The following CCDC171 variants were observed in gnomAD, a reference collection of about 807,000 sequenced individuals.
The protein encoded by CCDC171 is coiled-coil domain containing 171.
CCDC171 carries 177 observed loss-of-function variants against 168.2 expected under a neutral mutation model. The observed-to-expected ratio is 1.05, with a 90% CI of 0.93 to 1.19. The LOEUF is 1.19. Ranked by LOEUF, CCDC171 falls within the 50% of genes most tolerant of loss-of-function variation. The pLI is 0.00. For missense variants in CCDC171, 1,991 were observed against 1,539.0 expected, an observed-to-expected ratio of 1.29 and a Z score of -4.91; for synonymous variants, 687 against 540.8, an observed-to-expected ratio of 1.27 and a Z score of -3.75.
chr9:16,096,112 C>A, the CCDC171 span, among the ~76,000 whole-genome samples: 1 of 151,722 alleles, frequency 6.6e-6, no homozygotes, highest in African/African-American at 2.4e-5. Flanking sequence ...CAAATATCAG[C>A]GTGGAATTTA....
chr9:16,019,034 C>A (rs1244292629), intron 3 of CCDC171, among the ~76,000 whole-genome samples: 2 of 152,196 alleles, frequency 1.3e-5, no homozygotes, highest in Non-Finnish European at 2.9e-5. Flanking sequence ...GTAGTGGATT[C>A]ATTTAAGAAA....
intron 25 of CCDC171, 136 bp downstream of exon 25, chr9:15,920,558 T>A: frequency 1.6e-6 from 1 of 635,310 alleles, no homozygotes; most frequent in Non-Finnish European, 2.5e-6. Flanking sequence ...GACATAAAAT[T>A]ATTTGTGTGG....
At chr9:15,965,734 T>A (rs1830729098) in intron 25 of CCDC171, among the ~76,000 whole-genome samples, 1 of 152,200 alleles carries the variant, frequency 6.6e-6, no homozygotes. Flanking sequence ...TTCCATTTAA[T>A]CCTCCTAACA....
At chr9:15,589,854 A>T (rs114693583) in intron 4 of CCDC171, among the ~76,000 whole-genome samples, 1 of 152,300 alleles carries the variant, frequency 6.6e-6, no homozygotes, top group African/African-American at 2.4e-5. Flanking sequence ...AAATTTGAGG[A>T]CCAATTTGAA....
chr9:15,839,876 G>C (rs1306600711), intron 21 of CCDC171, among the ~76,000 whole-genome samples: 1 of 152,092 alleles, frequency 6.6e-6, no homozygotes, highest in Non-Finnish European at 1.5e-5. Context: ...AAATCATCCA[G>C]TGAAGAAACT....
chr9:15,734,980 GC>G (rs1219604947), intron 16 of CCDC171, among the ~76,000 whole-genome samples: 2 of 152,018 alleles, frequency 1.3e-5, no homozygotes, highest in African/African-American at 2.4e-5. Context: ...TTGTAAAGAA[GC>G]AATTAGTAAA....
At chr9:15,596,045 C>A (rs928582507) in intron 6 of CCDC171, among the ~76,000 whole-genome samples, 13 of 152,142 alleles carry the variant, frequency 8.5e-5, no homozygotes, top group Middle Eastern at 3.4e-3. Context: ...TGGATATTAG[C>A]CCTTTGTCAG....
At chr9:15,799,158 A>G (rs190863420) in intron 21 of CCDC171, among the ~76,000 whole-genome samples, 2 of 143,944 alleles carry the variant, frequency 1.4e-5, no homozygotes, top group African/African-American at 5.2e-5. Flanking sequence ...ATATATATAT[A>G]TATATATACC....
rs775922602 is a variant in CCDC171 at position 15,784,548 on chromosome 9, G to T, written c.3121G>T (p.Glu1041Ter). 2 of 1,613,212 alleles carry T rather than the reference G, an allele frequency of 1.2e-6. No individual in the cohort carries two copies. The highest frequency in any genetic ancestry group is 1.7e-6 in the Non-Finnish European group (2 of 1,179,508). ...TGAGAAGTTTGAAAGTGCATGTGAA[G>T]AACTAAATAATGCATTACTTCGGGA... is the stretch of plus-strand genomic sequence containing the variant. ...THEKFESACEELNNALLREEQ... is the reference protein window; with the variant it reads ...THEKFESACE The change falls in exon 21 of 26, where the codon GAA becomes TAA. Residue 1041 changes from glutamate (E) to a stop codon, truncating the protein, a stop_gained. Coordinates refer to ENST00000380701, the MANE Select transcript of CCDC171 (RefSeq NM_173550.4). LOFTEE classifies it high-confidence loss of function.
At chr9:15,735,319 C>T (rs941073166) in intron 16 of CCDC171, among the ~76,000 whole-genome samples, 1 of 152,170 alleles carries the variant, frequency 6.6e-6, no homozygotes, top group East Asian at 1.9e-4. Context: ...GGCCCAGTGC[C>T]ACATACCATT....
At chr9:15,801,951 C>T (rs1036543945) in intron 21 of CCDC171, among the ~76,000 whole-genome samples, 1 of 152,074 alleles carries the variant, frequency 6.6e-6, no homozygotes, top group Non-Finnish European at 1.5e-5. Flanking sequence ...ACCATCCTTG[C>T]ATCCCTGGGA....
intron 21 of CCDC171, among the ~76,000 whole-genome samples, chr9:15,836,171 T>C (rs1326573579): frequency 3.3e-5 from 5 of 152,118 alleles, no homozygotes; most frequent in African/African-American, 4.8e-5. Flanking sequence ...TGGGTTAAGA[T>C]ACCCTCTCCT....
intron 25 of CCDC171, among the ~76,000 whole-genome samples, chr9:15,936,513 G>C (rs1416249526): frequency 2.0e-5 from 3 of 151,974 alleles, no homozygotes; most frequent in Non-Finnish European, 4.4e-5. Context: ...TGAGAGTTGA[G>C]GGGACTCAGC....
At chr9:15,954,283 T>G (rs1338697443) in intron 25 of CCDC171, among the ~76,000 whole-genome samples, 2 of 152,042 alleles carry the variant, frequency 1.3e-5, no homozygotes, top group Non-Finnish European at 2.9e-5. Flanking sequence ...CGATTTGAGA[T>G]CTTTCTTGTT....
At chr9:15,709,300 T>C (rs2052478151) in intron 11 of CCDC171, among the ~76,000 whole-genome samples, 1 of 152,188 alleles carries the variant, frequency 6.6e-6, no homozygotes, top group Admixed American at 6.5e-5. Flanking sequence ...TAGATTAAAA[T>C]TGTGAGTAGC....
chr9:15,717,661 G>A (rs2053179614), intron 11 of CCDC171, among the ~76,000 whole-genome samples: 1 of 152,216 alleles, frequency 6.6e-6, no homozygotes, highest in Admixed American at 6.5e-5. Context: ...GAAGGATAGA[G>A]TACAAGGCAG....
At chr9:15,815,268 T>A (rs909806555) in intron 21 of CCDC171, among the ~76,000 whole-genome samples, 1 of 152,172 alleles carries the variant, frequency 6.6e-6, no homozygotes, top group African/African-American at 2.4e-5. Flanking sequence ...CTTTGGGTTT[T>A]TCTCTCCCAT....
intron 7 of CCDC171, among the ~76,000 whole-genome samples, chr9:15,628,743 C>T (rs568555274): frequency 9.8e-5 from 15 of 152,318 alleles, no homozygotes; most frequent in African/African-American, 3.1e-4. Context: ...GGGTCCCTGA[C>T]CCCTGAACCC....
chr9:15,918,932 A>T (rs538878529), intron 24 of CCDC171, among the ~76,000 whole-genome samples: 1 of 151,638 alleles, frequency 6.6e-6, no homozygotes, highest in East Asian at 1.9e-4. Flanking sequence ...CAAAGCAGTC[A>T]TTAATTCAAG....
Sources: allele counts gnomAD v4.1 joint callset (sites outside exome capture counted in the v4.1 genomes callset), GRCh38; gene constraint gnomAD v4.1.1; transcripts MANE v1.5; gene names NCBI Gene and HGNC (gene_info 2026-07-23, HGNC 2026-07-21).